Variants in OR2M2 observed in about 807,000 individuals in gnomAD.
OR2M2 encodes olfactory receptor 2M2.
For missense variants in OR2M2, 467 were observed against 429.9 expected, an observed-to-expected ratio of 1.09 and a Z score of -0.76; for synonymous variants, 168 against 151.7, an observed-to-expected ratio of 1.11 and a Z score of -0.79.
At chr1:248,179,714 A>T (rs540054758) in intron 1 of OR2M2, among the ~76,000 whole-genome samples, 20 of 152,308 alleles carry the variant, frequency 1.3e-4, no homozygotes, top group Admixed American at 7.8e-4. Flanking sequence ...ATCATTTATT[A>T]GATATTTTTA....
chr1:248,179,857 T>A (rs1665904023), intron 1 of OR2M2, 111 bp from the exon 2 acceptor site: 5 of 945,330 alleles, frequency 5.3e-6, no homozygotes, highest in Non-Finnish European at 6.5e-6. Context: ...AGTTTCCTAC[T>A]TCTATTCATG....
Position 248,180,932 on chromosome 1 carries a change from A to G in OR2M2, c.947A>G (p.His316Arg). 2.5e-6 allele frequency: 4 copies of G among 1,613,968 alleles called. No individual in the cohort carries two copies. The highest frequency in any genetic ancestry group is 3.4e-6 in the Non-Finnish European group (4 of 1,179,864). ...GKGKSESELP[H>R]KLYVLLFAKF... ...GGCAAGTCTGAGAGTGAGTTACCTC[A>G]TAAACTTTATGTTTTGCTGTTTGCT... Residue 316 changes from histidine to arginine, a missense_variant, in exon 2 of 2, where the codon CAT (histidine) becomes CGT (arginine). Transcript: ENST00000641836.
In OR2M2 at chr1:248,180,216, C is replaced by G; in HGVS notation, c.231C>G (p.Thr77=). Residue 77 remains threonine, a synonymous_variant, in exon 2 of 2, where the codon ACC becomes ACG. Transcript: ENST00000641836. Reference sequence around the variant, plus strand: ...TGGACCTCATGCTCATCTGCACCACCGTACCCAAGATGGCCTTCAACTACC... The same window carrying G: ...TGGACCTCATGCTCATCTGCACCACGGTACCCAAGATGGCCTTCAACTACC... ...SLMDLMLICT[T]VPKMAFNYLS... is the part of the protein sequence containing the mutation. The G allele has an allele frequency of 6.2e-7, 1 of 1,614,160 alleles. No individual in the cohort carries two copies. The highest frequency in any genetic ancestry group is 8.5e-7 in the Non-Finnish European group (1 of 1,180,016).
chr1:248,177,001 CTGTT>C (rs1572779371), intron 1 of OR2M2, among the ~76,000 whole-genome samples: 2 of 152,060 alleles, frequency 1.3e-5, no homozygotes, highest in Admixed American at 1.3e-4. Flanking sequence ...AATATTATCA[CTGTT>C]TGTTATAAAT....
chr1:248,180,980 T>C lies in OR2M2; in HGVS notation c.995T>C (p.Ile332Thr). Residue 332 changes from isoleucine (I) to threonine (T), a missense_variant, in exon 2 of 2, where the codon ATC becomes ACC. Physicochemically the swap from Ile to Thr is moderately conservative, Grantham distance 89. Transcript: ENST00000641836. ...GCTAAATTCTTCTTTCTAATATCCATCTTTTTCTATGATGTCAAAATACTA... is the reference window on the plus strand; with the variant it reads ...GCTAAATTCTTCTTTCTAATATCCACCTTTTTCTATGATGTCAAAATACTA... ...LFAKFFFLISIFFYDVKILAL... is the reference protein window; with the variant it reads ...LFAKFFFLISTFFYDVKILAL... The C allele has an allele frequency of 6.2e-7, 1 of 1,613,222 alleles. No individual in the cohort carries two copies. The highest frequency in any genetic ancestry group is 8.5e-7 in the Non-Finnish European group (1 of 1,179,302).
chr1:248,177,509 T>G (rs1214906000), intron 1 of OR2M2, among the ~76,000 whole-genome samples: 1 of 152,124 alleles, frequency 6.6e-6, no homozygotes, highest in Non-Finnish European at 1.5e-5. Flanking sequence ...GATTTATTGG[T>G]GTCTTACAAC....
chr1:248,176,133 A>T (rs959007938), intron 1 of OR2M2, among the ~76,000 whole-genome samples: 2 of 152,138 alleles, frequency 1.3e-5, no homozygotes, highest in African/African-American at 4.8e-5. Context: ...CGGATTACAC[A>T]TGCTGTCTGA....
intron 1 of OR2M2, among the ~76,000 whole-genome samples, chr1:248,176,427 T>C (rs1387017678): frequency 3.3e-5 from 5 of 152,000 alleles, no homozygotes; most frequent in Non-Finnish European, 7.4e-5. Context: ...ACAGTGTGAA[T>C]TCAATAAAAT....
chr1:248,180,674 C>A lies in OR2M2; in HGVS notation c.689C>A (p.Ser230Tyr), dbSNP rs1665921423. Residue 230 changes from serine (S) to tyrosine (Y), a missense_variant, in exon 2 of 2, where the codon TCT becomes TAT. By Grantham distance (144) the Ser-to-Tyr change is moderately radical. Transcript: ENST00000641836. The stretch of plus-strand genomic sequence containing the variant: ...ATTCTGGCTGTCATTCACATGGGAT[C>A]TGGAGAGGGTCGTTGCAAAGCTTTC... ...RVILAVIHMG[S>Y]GEGRCKAFTT... is the part of the protein sequence containing the mutation. The A allele has an allele frequency of 1.2e-6, 2 of 1,612,438 alleles. No individual in the cohort carries two copies. The highest frequency in any genetic ancestry group is 1.3e-5 in the African/African-American group (1 of 74,964).
rs939413530 is a variant in OR2M2, at chr1:248,180,491, G to A, written c.506G>A (p.Cys169Tyr). Residue 169 changes from cysteine (C) to tyrosine (Y), a missense_variant, in exon 2 of 2, where the codon TGT becomes TAT. By Grantham distance (194) the Cys-to-Tyr change is radical. Coordinates refer to ENST00000641836, the MANE Select transcript of OR2M2 (RefSeq NM_001004688.2). ...GTAGCCACATTTTCCTTCTCCTTTT[G>A]TGGGTCTCGGGAAATAGCCCACTTC... is the stretch of plus-strand genomic sequence containing the variant. Reference protein sequence around the residue: ...DAVATFSFSFCGSREIAHFFC... With the variant: ...DAVATFSFSFYGSREIAHFFC... The A allele has an allele frequency of 6.2e-7, 1 of 1,613,776 alleles. No homozygotes were observed. Among genetic ancestry groups the A allele is most frequent in the East Asian group, 2.2e-5 (1 of 44,882 alleles).
At chr1:248,177,153 G>C (rs1026296993) in intron 1 of OR2M2, among the ~76,000 whole-genome samples, 1 of 152,060 alleles carries the variant, frequency 6.6e-6, no homozygotes, top group Admixed American at 6.6e-5. Context: ...AGACAAATAA[G>C]TGTGTGTTTG....
intron 1 of OR2M2, among the ~76,000 whole-genome samples, chr1:248,176,778 T>A (rs533563910): frequency 6.6e-6 from 1 of 152,174 alleles, no homozygotes; most frequent in South Asian, 2.1e-4. Flanking sequence ...CTTCACTGCA[T>A]TTTCAGATTG....
intron 1 of OR2M2, among the ~76,000 whole-genome samples, chr1:248,176,276 G>C (rs1336618134): frequency 7.2e-5 from 11 of 151,734 alleles, no homozygotes. Context: ...TATTGCTCTG[G>C]CATGTGCACA....
rs747994740 is a variant in OR2M2 at position 248,180,644 on chromosome 1, G to C, written c.659G>C (p.Arg220Pro). The C allele has an allele frequency of 6.2e-7, 1 of 1,612,312 alleles. No individual in the cohort carries two copies. Among genetic ancestry groups the C allele is most frequent in the East Asian group, 2.2e-5 (1 of 44,884 alleles). ...PVAIIIASYA[R>P]VILAVIHMGS... ...GCAATCATCATTGCTTCCTATGCTC[G>C]AGTTATTCTGGCTGTCATTCACATG... Residue 220 changes from arginine (R) to proline (P), a missense_variant, in exon 2 of 2, where the codon CGA becomes CCA. Physicochemically the swap from Arg to Pro is moderately radical, Grantham distance 103. Transcript: ENST00000641836.
At chr1:248,175,179 C>T (rs1392523615) in intron 1 of OR2M2, among the ~76,000 whole-genome samples, 1 of 152,058 alleles carries the variant, frequency 6.6e-6, no homozygotes, top group Non-Finnish European at 1.5e-5. Context: ...GAGAAAAGAG[C>T]AGATGAGAAC....
rs1245413391 is a variant in OR2M2 at position 248,180,638 on chromosome 1, A to G, written c.653A>G (p.Tyr218Cys). 1.2e-6 allele frequency: 2 copies of G among 1,612,424 alleles called. No individual in the cohort carries two copies. Among genetic ancestry groups the G allele is most frequent in the Non-Finnish European group, 1.7e-6 (2 of 1,179,840 alleles). ...VFPVAIIIAS[Y>C]ARVILAVIHM... is the part of the protein sequence containing the mutation. ...CCTGTTGCAATCATCATTGCTTCCT[A>G]TGCTCGAGTTATTCTGGCTGTCATT... Residue 218 changes from tyrosine to cysteine, a missense_variant, in exon 2 of 2, where the codon TAT (tyrosine) becomes TGT (cysteine). Transcript: ENST00000641836.
rs142698993 is a variant in OR2M2, at chr1:248,180,350, G to A, written c.365G>A (p.Arg122His). ...CFLLAVMAYD[R>H]YIAICHPLRY... is the part of the protein sequence containing the mutation. ...CTTTTGGCTGTTATGGCTTATGACC[G>A]CTATATTGCTATTTGCCACCCTCTA... is the stretch of plus-strand genomic sequence containing the variant. Residue 122 changes from arginine to histidine, a missense_variant, in exon 2 of 2, where the codon CGC becomes CAC. Arg to His is a conservative substitution (Grantham distance 29). Transcript: ENST00000641836. 92 of 1,614,004 alleles carry A rather than the reference G, an allele frequency of 5.7e-5. 1 individual carries two copies. In the Middle Eastern group the frequency reaches 6.6e-4, roughly 12 times the overall value.
chr1:248,177,659 T>G (rs1324391358), intron 1 of OR2M2, among the ~76,000 whole-genome samples: 1 of 152,018 alleles, frequency 6.6e-6, no homozygotes, highest in Non-Finnish European at 1.5e-5. Context: ...CAATACAAAG[T>G]TTTTTCCCCT....
Position 248,180,627 on chromosome 1 carries a change from C to T in OR2M2, c.642C>T (p.Ile214=), listed in dbSNP as rs901634770. The T allele has an allele frequency of 1.9e-6, 3 of 1,612,638 alleles. No homozygotes were observed. Among genetic ancestry groups the T allele is most frequent in the Non-Finnish European group, 2.5e-6 (3 of 1,179,838 alleles). ...TGCTTGTTTTCCCTGTTGCAATCAT[C>T]ATTGCTTCCTATGCTCGAGTTATTC... ...IVMLVFPVAI[I]IASYARVILA... is the part of the protein sequence containing the mutation. The change falls in exon 2 of 2, where the codon ATC becomes ATT. Residue 214 remains isoleucine (I), a synonymous_variant. Transcript: ENST00000641836.
Sources: allele counts gnomAD v4.1 joint callset (sites outside exome capture counted in the v4.1 genomes callset), GRCh38; gene constraint gnomAD v4.1.1; transcripts MANE v1.5; gene names NCBI Gene and HGNC (gene_info 2026-07-23, HGNC 2026-07-21).